The following HDAC8 variants were observed in gnomAD, a reference collection of about 807,000 sequenced individuals.
The protein encoded by HDAC8 is histone deacetylase 8.
In HDAC8, 1 loss-of-function variant was observed where a neutral mutation model predicts 32.2. The ratio of observed to expected loss-of-function variants is 0.03; its 90% CI spans 0.01 to 0.15. The LOEUF (loss-of-function observed/expected upper bound fraction) is 0.15, where lower values mean the gene tolerates loss of function less well. Among genes scored for constraint, HDAC8 ranks in the 10% least tolerant of loss-of-function variants. HDAC8 has a pLI of 1.00. For synonymous variants in HDAC8, 108 were observed against 113.9 expected (o/e 0.95, Z 0.33); for missense variants, 117 against 300.0 (o/e 0.39, Z 4.51).
At chrX:72,568,983 C>T in intron 2 of HDAC8, 99 bp from the exon 3 acceptor site, 1 of 894,907 alleles carries the variant, frequency 1.1e-6, no homozygotes, top group Non-Finnish European at 1.5e-6. Flanking sequence ...GAAAATACGT[C>T]TCAACTTCTG....
chrX:72,553,653 C>A lies in HDAC8; in HGVS notation c.437+14236G>T, dbSNP rs2051167417. On this transcript the variant is annotated intron_variant, in intron 4 of 10. Coordinates refer to ENST00000373573, the MANE Select transcript of HDAC8 (RefSeq NM_018486.3). ...CTGTGGGTGATTGGTTCCAGGACCC[C>A]TGCAGATACCAAAATCCATGCACAC... is the stretch of plus-strand genomic sequence containing the variant. Among the ~76,000 whole-genome samples, 4 of 111,572 alleles carry A rather than the reference C, an allele frequency of 3.6e-5. No individual in the cohort carries two copies. The South Asian group carries it at 1.5e-3, about 42-fold the overall frequency.
chrX:72,508,713 C>T (rs1238147221), intron 4 of HDAC8, among the ~76,000 whole-genome samples: 2 of 112,085 alleles, frequency 1.8e-5, no homozygotes, highest in Non-Finnish European at 3.8e-5. Flanking sequence ...GTGGCCATCT[C>T]TTCTAAGCCC....
chrX:72,409,745 T>C (rs1602720295), intron 9 of HDAC8, among the ~76,000 whole-genome samples: 1 of 112,244 alleles, frequency 8.9e-6, no homozygotes, highest in East Asian at 2.8e-4. Context: ...TTTCTATGTG[T>C]ACCTCCAGCA....
chrX:72,445,585 G>A (rs1338881821), intron 9 of HDAC8, among the ~76,000 whole-genome samples: 5 of 111,853 alleles, frequency 4.5e-5, no homozygotes, highest in Admixed American at 2.9e-4. Flanking sequence ...AAACCCTAGA[G>A]GAAAACCTAG....
chrX:72,490,343 G>A (rs1389898978), intron 6 of HDAC8, among the ~76,000 whole-genome samples: 3 of 108,750 alleles, frequency 2.8e-5, no homozygotes, highest in African/African-American at 6.7e-5. Context: ...GCAAAGACTT[G>A]GAACCAACCC....
chrX:72,343,831 G>A (rs2043954154), intron 10 of HDAC8, among the ~76,000 whole-genome samples: 1 of 112,234 alleles, frequency 8.9e-6, no homozygotes, highest in Admixed American at 9.4e-5. Context: ...ATTATGTATT[G>A]CCAGTGCCCA....
At chrX:72,461,628 ACTT>A (rs1318603969) in intron 9 of HDAC8, among the ~76,000 whole-genome samples, 3 of 111,164 alleles carry the variant, frequency 2.7e-5, no homozygotes, top group Non-Finnish European at 3.8e-5. Flanking sequence ...CACCTATGAA[ACTT>A]CTTAAAAAAA....
At chrX:72,479,037 C>A (rs1467331225) in intron 7 of HDAC8, among the ~76,000 whole-genome samples, 1 of 111,521 alleles carries the variant, frequency 9.0e-6, no homozygotes, top group Admixed American at 9.6e-5. Flanking sequence ...AGAGCAAAGT[C>A]CAGCCAACGT....
At chrX:72,330,457 C>T (rs112042702) in intron 10 of HDAC8, among the ~76,000 whole-genome samples, 1 of 111,533 alleles carries the variant, frequency 9.0e-6, no homozygotes, top group African/African-American at 3.3e-5. Flanking sequence ...CTCTCTCTCT[C>T]GTAACACTTT....
chrX:72,517,032 C>G (rs2049828906), intron 4 of HDAC8, among the ~76,000 whole-genome samples: 1 of 112,211 alleles, frequency 8.9e-6, no homozygotes, highest in African/African-American at 3.2e-5. Flanking sequence ...GTGGCTACAC[C>G]ATTCTACAGT....
intron 9 of HDAC8, among the ~76,000 whole-genome samples, chrX:72,454,524 A>G (rs5958765): frequency 0.16 from 17,543 of 112,072 alleles, 2,392 homozygotes; most frequent in East Asian, 0.74. Context: ...ATCTTTATAT[A>G]TGTAACGAAT....
chrX:72,464,416 G>A, intron 8 of HDAC8, 143 bp downstream of exon 8: 1 of 525,863 alleles, frequency 1.9e-6, no homozygotes, highest in Non-Finnish European at 3.4e-6. Flanking sequence ...TGTGGAGGTG[G>A]CAGATTTTAT....
intron 4 of HDAC8, among the ~76,000 whole-genome samples, chrX:72,529,846 G>A (rs2050272330): frequency 9.0e-6 from 1 of 111,396 alleles, no homozygotes; most frequent in African/African-American, 3.3e-5. Flanking sequence ...TGGATCATGG[G>A]GGTGGATTTC....
At chrX:72,464,263 AACATCCTCT>A (rs2047949693) in intron 8 of HDAC8, among the ~76,000 whole-genome samples, 1 of 112,198 alleles carries the variant, frequency 8.9e-6, no homozygotes, top group Admixed American at 9.5e-5. Flanking sequence ...TACCGGGGTT[AACATCCTCT>A]ATTTTTAAGA....
At chrX:72,546,315 A>G (rs782580345) in intron 4 of HDAC8, among the ~76,000 whole-genome samples, 2 of 111,647 alleles carry the variant, frequency 1.8e-5, no homozygotes, top group East Asian at 5.7e-4. Context: ...ACTGGCATAG[A>G]TCCTATGTTG....
intron 4 of HDAC8, among the ~76,000 whole-genome samples, chrX:72,509,372 G>A (rs781957469): frequency 1.8e-5 from 2 of 111,483 alleles, no homozygotes; most frequent in South Asian, 7.6e-4. Context: ...GCCTCCCAAA[G>A]TGCTGGGATT....
chrX:72,538,017 T>C (rs921342530), intron 4 of HDAC8, among the ~76,000 whole-genome samples: 2 of 111,086 alleles, frequency 1.8e-5, no homozygotes, highest in Admixed American at 1.9e-4. Flanking sequence ...AGTGGGTAGT[T>C]GGATTAAATA....
intron 4 of HDAC8, among the ~76,000 whole-genome samples, chrX:72,536,155 A>G (rs2050517042): frequency 8.9e-6 from 1 of 112,387 alleles, no homozygotes; most frequent in Admixed American, 9.4e-5. Context: ...TGTCAAATGC[A>G]GAGCTCTCTT....
intron 9 of HDAC8, among the ~76,000 whole-genome samples, chrX:72,458,339 C>G (rs193061184): frequency 1.8e-5 from 2 of 112,304 alleles, no homozygotes; most frequent in Non-Finnish European, 3.8e-5. Context: ...ATGGTATCAC[C>G]GGTTTTATAT....
Sources: gnomAD v4.1 joint callset for allele counts (sites outside exome capture counted in the v4.1 genomes callset) on GRCh38, gnomAD v4.1.1 for gene constraint, MANE v1.5 for transcripts, NCBI Gene and HGNC (gene_info 2026-07-23, HGNC 2026-07-21) for gene names.